Variants in TXNL4B observed in about 807,000 individuals in gnomAD.
The protein encoded by TXNL4B is thioredoxin like 4B.
A neutral mutation model predicts 13.0 loss-of-function variants in TXNL4B; 12 were observed. That is an observed-to-expected ratio of 0.92 (90% CI 0.59 to 1.49). The LOEUF is 1.49. TXNL4B is among the 40% of genes most tolerant of loss of function. The pLI, the probability that TXNL4B is intolerant of heterozygous loss-of-function variation, is 0.00. For missense variants in TXNL4B, 214 were observed against 173.6 expected, an observed-to-expected ratio of 1.23 and a Z score of -1.31; for synonymous variants, 59 against 58.9, an observed-to-expected ratio of 1.00 and a Z score of -0.01.
intron 3 of TXNL4B, chr16:72,087,278 A>T (rs1236028910): frequency 6.5e-6 from 1 of 153,048 alleles, no homozygotes; most frequent in African/African-American, 2.4e-5. Context: ...AATAAATAAA[A>T]TCACGGATGA....
chr16:72,088,939 C>G (rs375475294), intron 3 of TXNL4B, 48 bp downstream of exon 3: 20 of 1,503,842 alleles, frequency 1.3e-5, no homozygotes, highest in Non-Finnish European at 1.8e-5. Context: ...AAATGCTTAC[C>G]AAGGAAACTT....
rs2041889905 is a variant in TXNL4B at position 72,090,562 on chromosome 16, G to T, written c.132+56C>A. 11 of 1,578,460 alleles carry T rather than the reference G, an allele frequency of 7.0e-6. No homozygotes were observed. In the South Asian group the frequency reaches 1.1e-4, roughly 16 times the overall value. On this transcript the variant is annotated intron_variant, in intron 2 of 3. Transcript: ENST00000268483. ...CCCTCTCATGTACTACTCAGATGCTGAAGTGAGAATATACAGATTATTAAT... is the reference window on the plus strand; with the variant it reads ...CCCTCTCATGTACTACTCAGATGCTTAAGTGAGAATATACAGATTATTAAT...
At chr16:72,087,443 T>C (rs1463521269) in intron 3 of TXNL4B, 1 of 152,000 alleles carries the variant, frequency 6.6e-6, no homozygotes, top group Non-Finnish European at 1.5e-5. Context: ...ATATGCTTTT[T>C]TCTAGCTGAC....
intron 2 of TXNL4B, among the ~76,000 whole-genome samples, chr16:72,089,694 C>T (rs866294956): frequency 8.5e-5 from 13 of 152,198 alleles, no homozygotes; most frequent in South Asian, 4.1e-4. Context: ...CTCCTTCCTC[C>T]CAATCCTCCC....
chr16:72,093,691 A>C (rs1470113717), upstream of TXNL4B: 1 of 152,438 alleles, frequency 6.6e-6, no homozygotes, highest in Non-Finnish European at 1.5e-5. Flanking sequence ...CGCCCGTATT[A>C]AAGATGGTCG....
Position 72,093,482 on chromosome 16 carries a change from A to G in TXNL4B, c.-153T>C, listed in dbSNP as rs1053531313. The G allele has an allele frequency of 6.6e-6, 1 of 152,262 alleles. No homozygotes were observed. Among genetic ancestry groups the G allele is most frequent in the Non-Finnish European group, 1.5e-5 (1 of 68,070 alleles). The allele number at this position is 152,262 out of a possible 1,614,324, so 9.4% of individuals were successfully genotyped here. A position where few individuals can be genotyped will look rare whatever the true frequency, so the allele number is the denominator to read the frequency against. The stretch of plus-strand genomic sequence containing the variant: ...TCAGCCCCAAGCCGGACAGGACCCT[A>G]AGACCAAGTCACCCAGGGGCTGTTG... On this transcript the variant is annotated 5_prime_UTR_variant, in exon 1 of 4. Coordinates refer to ENST00000268483, the MANE Select transcript of TXNL4B (RefSeq NM_017853.3).
Position 72,086,813 on chromosome 16 carries a change from T to G in TXNL4B, c.285-11A>C, listed in dbSNP as rs201239249. On this transcript the variant is annotated splice_polypyrimidine_tract_variant and intron_variant, in intron 3 of 3. Coordinates refer to ENST00000268483, the MANE Select transcript of TXNL4B (RefSeq NM_017853.3). ...GTGTGATCTGGAGATCTAGACAGCATAGAAGAGAAACAACTGCTCTAAGAA... is the reference window on the plus strand; with the variant it reads ...GTGTGATCTGGAGATCTAGACAGCAGAGAAGAGAAACAACTGCTCTAAGAA... 2.6e-6 allele frequency: 4 copies of G among 1,557,688 alleles called. No individual in the cohort carries two copies. Among genetic ancestry groups the G allele is most frequent in the Non-Finnish European group, 3.5e-6 (4 of 1,141,530 alleles).
rs2041807384 is a variant in TXNL4B, at chr16:72,085,336, G to A, written c.*1301C>T. 1 of 259,618 alleles carries A rather than the reference G, an allele frequency of 3.9e-6. No individual in the cohort carries two copies. The highest frequency in any genetic ancestry group is 2.2e-5 in the African/African-American group (1 of 45,452). The allele number at this position is 259,618 out of a possible 1,614,324, so 16.1% of individuals were successfully genotyped here. ...TCAGCGGCTGCTAGGCAGGTCACAA[G>A]CTGCCTCACCCATGGCTCTCCAGCT... On this transcript the variant is annotated 3_prime_UTR_variant, in exon 4 of 4. Transcript: ENST00000268483.
intron 3 of TXNL4B, among the ~76,000 whole-genome samples, chr16:72,087,862 C>T (rs1032945722): frequency 6.6e-6 from 1 of 152,080 alleles, no homozygotes; most frequent in Non-Finnish European, 1.5e-5. Flanking sequence ...CTCTGTTGCC[C>T]AGGATGGAGT....
intron 1 of TXNL4B, among the ~76,000 whole-genome samples, chr16:72,091,777 G>T (rs1031692120): frequency 6.6e-6 from 1 of 152,210 alleles, no homozygotes; most frequent in African/African-American, 2.4e-5. Flanking sequence ...AAGAGTGTGT[G>T]TGAAAACTAC....
chr16:72,086,661 A>G lies in TXNL4B; in HGVS notation c.426T>C (p.Tyr142=), dbSNP rs1382720369. The part of the protein sequence containing the change: ...SPIDPKNIPK[Y]DLLYQDI ...ACTAAATGTCTTGATAGAGAAGGTC[A>G]TATTTGGGAATATTCTTGGGATCAA... Residue 142 remains tyrosine (Y), a synonymous_variant, in exon 4 of 4, where the codon TAT becomes TAC. Coordinates refer to ENST00000268483, the MANE Select transcript of TXNL4B (RefSeq NM_017853.3). The G allele has an allele frequency of 2.5e-6, 4 of 1,613,560 alleles. No individual in the cohort carries two copies. Among genetic ancestry groups the G allele is most frequent in the Non-Finnish European group, 2.5e-6 (3 of 1,179,606 alleles).
intron 3 of TXNL4B, among the ~76,000 whole-genome samples, chr16:72,087,661 T>TTTG (rs1029550872): frequency 4.6e-5 from 7 of 151,830 alleles, no homozygotes; most frequent in Admixed American, 4.6e-4. Context: ...GTGTTTTTTT[T>TTTG]TTGTTGTTGT....
In TXNL4B at chr16:72,085,199, C is replaced by A. The variant is rs373091012; in HGVS notation, c.*1438G>T. The A allele has an allele frequency of 1.2e-4, 48 of 393,524 alleles. 2 individuals are homozygous for A. Among genetic ancestry groups the A allele is most frequent in the Admixed American group, 7.1e-4 (16 of 22,582 alleles). 24.4% of individuals were successfully genotyped at this position (393,524 alleles called of 1,614,324 possible). ...TCCTGTATGAGCCAAAAGCAAGACTCATGGCACCCCTCCCTGCAGGAAAGG... is the reference window on the plus strand; with the variant it reads ...TCCTGTATGAGCCAAAAGCAAGACTAATGGCACCCCTCCCTGCAGGAAAGG... On this transcript the variant is annotated 3_prime_UTR_variant, in exon 4 of 4. Transcript: ENST00000268483.
At position 72,086,086 on chromosome 16, in the gene TXNL4B, G is replaced by A. The variant is rs1394246931; in HGVS notation, c.*551C>T. 2 of 152,022 alleles carry A rather than the reference G, an allele frequency of 1.3e-5. No individual in the cohort carries two copies. The highest frequency in any genetic ancestry group is 2.9e-5 in the Non-Finnish European group (2 of 68,008). 9.4% of individuals were successfully genotyped at this position (152,022 alleles called of 1,614,324 possible). A position where few individuals can be genotyped will look rare whatever the true frequency, so the allele number is the denominator to read the frequency against. Reference sequence around the variant, plus strand: ...AAAGGCTCCAAAATAAAACAAACTTGTCTGCTCAATTAATTATTTGAAGAG... The same window carrying A: ...AAAGGCTCCAAAATAAAACAAACTTATCTGCTCAATTAATTATTTGAAGAG... On this transcript the variant is annotated 3_prime_UTR_variant, in exon 4 of 4. Coordinates refer to ENST00000268483, the MANE Select transcript of TXNL4B (RefSeq NM_017853.3).
At chr16:72,091,873 C>T (rs1161334593) in intron 1 of TXNL4B, among the ~76,000 whole-genome samples, 3 of 152,334 alleles carry the variant, frequency 2.0e-5, no homozygotes, top group African/African-American at 7.2e-5. Flanking sequence ...CTTACAGTTG[C>T]ACTTTCTACT....
In TXNL4B at chr16:72,086,677, T is replaced by C; in HGVS notation, c.410A>G (p.Lys137Arg). The change falls in exon 4 of 4, where the codon AAG (lysine) becomes AGG (arginine). Residue 137 changes from lysine to arginine, a missense_variant. By Grantham distance (26) the Lys-to-Arg change is conservative. Transcript: ENST00000268483. The part of the protein sequence containing the change: ...KLIVQSPIDP[K>R]NIPKYDLLYQ... ...GAGAAGGTCATATTTGGGAATATTCTTGGGATCAATAGGACTTTGGACAAT... is the reference window on the plus strand; with the variant it reads ...GAGAAGGTCATATTTGGGAATATTCCTGGGATCAATAGGACTTTGGACAAT... The C allele has an allele frequency of 6.2e-7, 1 of 1,614,004 alleles. No individual in the cohort carries two copies.
intron 3 of TXNL4B, among the ~76,000 whole-genome samples, chr16:72,087,697 G>A (rs1195197629): frequency 2.0e-5 from 3 of 151,758 alleles, no homozygotes; most frequent in Admixed American, 6.6e-5. Flanking sequence ...ATGGAGCCTT[G>A]CTCTGTCACC....
intron 3 of TXNL4B, 106 bp downstream of exon 3, chr16:72,088,881 T>C: frequency 1.2e-6 from 1 of 831,480 alleles, no homozygotes; most frequent in Non-Finnish European, 1.9e-6. Flanking sequence ...ACAGTACTGA[T>C]ATAAGACTCA....
Position 72,085,291 on chromosome 16 carries a change from G to C in TXNL4B, c.*1346C>G, listed in dbSNP as rs1035434614. On this transcript the variant is annotated 3_prime_UTR_variant, in exon 4 of 4. Transcript: ENST00000268483. ...GACAGTGCTGCTCTGAACAGGACTA[G>C]GCTTCTGTTGGAGAGGTGGTCAGCG... 1.3e-5 allele frequency: 4 copies of C among 317,096 alleles called. No individual in the cohort carries two copies. The highest frequency in any genetic ancestry group is 8.5e-5 in the African/African-American group (4 of 46,950). The allele number at this position is 317,096 out of a possible 1,614,324, so 19.6% of individuals were successfully genotyped here. A position where few individuals can be genotyped will look rare whatever the true frequency, so the allele number is the denominator to read the frequency against.
Sources: allele counts gnomAD v4.1 joint callset (sites outside exome capture counted in the v4.1 genomes callset), GRCh38; gene constraint gnomAD v4.1.1; transcripts MANE v1.5; gene names NCBI Gene and HGNC (gene_info 2026-07-23, HGNC 2026-07-21).